Variants in PHACTR3 observed in about 807,000 individuals in gnomAD.
PHACTR3 encodes the protein protein phosphatase 1, regulatory subunit 123.
A neutral mutation model predicts 66.8 loss-of-function variants in PHACTR3; 16 were observed. That is an observed-to-expected ratio of 0.24 (90% confidence interval 0.16 to 0.36). The LOEUF (loss-of-function observed/expected upper bound fraction) is 0.36, where lower values mean the gene tolerates loss of function less well. Among genes scored for constraint, PHACTR3 ranks in the 10% least tolerant of loss-of-function variants. The probability of loss-of-function intolerance (pLI) is 1.00; values close to 1 mark genes in which losing one functional copy is unlikely to be tolerated. For synonymous variants in PHACTR3, 323 were observed against 292.1 expected, an observed-to-expected ratio of 1.11 and a Z score of -1.08; for missense variants, 647 against 719.9, an observed-to-expected ratio of 0.90 and a Z score of 1.16.
chr20:59,779,822 G>A (rs889155701), intron 7 of PHACTR3, among the ~76,000 whole-genome samples: 1 of 152,258 alleles, frequency 6.6e-6, no homozygotes, highest in Admixed American at 6.5e-5. Context: ...TGCACATGGG[G>A]TGCCTTCGTG....
At chr20:59,783,145 A>C (rs907783867) in intron 7 of PHACTR3, among the ~76,000 whole-genome samples, 11 of 152,230 alleles carry the variant, frequency 7.2e-5, no homozygotes, top group African/African-American at 2.7e-4. Context: ...TGGTGACTTC[A>C]CAGAACAGCA....
At chr20:59,664,675 T>G (rs2035925968) in intron 1 of PHACTR3, among the ~76,000 whole-genome samples, 1 of 152,252 alleles carries the variant, frequency 6.6e-6, no homozygotes, top group Non-Finnish European at 1.5e-5. Context: ...TCCACAGCCT[T>G]GGCAAAGGCC....
At chr20:59,661,626 T>C (rs1230804124) in intron 1 of PHACTR3, among the ~76,000 whole-genome samples, 1 of 152,216 alleles carries the variant, frequency 6.6e-6, no homozygotes, top group East Asian at 1.9e-4. Flanking sequence ...CCAGGTCCTC[T>C]TAAACAAGCT....
chr20:59,633,571 A>G (rs990809214), intron 1 of PHACTR3, among the ~76,000 whole-genome samples: 1 of 152,222 alleles, frequency 6.6e-6, no homozygotes, highest in African/African-American at 2.4e-5. Context: ...TGGCACATGT[A>G]TACCTATGTA....
intron 1 of PHACTR3, among the ~76,000 whole-genome samples, chr20:59,614,148 C>A (rs532976321): frequency 3.2e-4 from 48 of 152,318 alleles, no homozygotes; most frequent in African/African-American, 1.2e-3. Context: ...TCTGCACCAC[C>A]CAGCTTCTGC....
chr20:59,702,435 G>A (rs2037539832), intron 1 of PHACTR3, among the ~76,000 whole-genome samples: 1 of 152,168 alleles, frequency 6.6e-6, no homozygotes, highest in African/African-American at 2.4e-5. Flanking sequence ...CCAGATCTCA[G>A]CTGAAATGAC....
rs144923361 is a variant in PHACTR3 at position 59,715,508 on chromosome 20, C to G, written c.119-27599C>G. On this transcript the variant is annotated intron_variant, in intron 1 of 12. Transcript: ENST00000371015. The stretch of plus-strand genomic sequence containing the variant: ...TTCCATGTTTTGTCTTTCTGCATTT[C>G]TCTGCCTCTGGTTTACTAATGTTTT... Among the ~76,000 whole-genome samples the G allele has an allele frequency of 2.5e-3, 379 of 152,282 alleles. 1 individual carries two copies. Among genetic ancestry groups the G allele is most frequent in the African/African-American group, 8.9e-3 (371 of 41,550 alleles).
In PHACTR3 at chr20:59,773,328, C is replaced by G; in HGVS notation, c.801C>G (p.Ser267=). 6.2e-7 allele frequency: 1 copy of G among 1,614,174 alleles called. No individual in the cohort carries two copies. Among genetic ancestry groups the G allele is most frequent in the Non-Finnish European group, 8.5e-7 (1 of 1,180,016 alleles). Residue 267 remains serine, a synonymous_variant, in exon 6 of 13, where the codon TCC becomes TCG. Coordinates refer to ENST00000371015, the MANE Select transcript of PHACTR3 (RefSeq NM_080672.5). ...CCAGCATGAAGAGTGCCGACCCTTC[C>G]CTCCGGGGCCAGCTCTCCACACCCA... ...QASSMKSADP[S]LRGQLSTPTG... is the part of the protein sequence containing the mutation.
chr20:59,675,552 T>A (rs985243370), intron 1 of PHACTR3, among the ~76,000 whole-genome samples: 3 of 152,114 alleles, frequency 2.0e-5, no homozygotes, highest in Non-Finnish European at 4.4e-5. Flanking sequence ...GTTCAGATGG[T>A]TATGGAGTAG....
At chr20:59,578,121 C>T (rs1270004330) in intron 1 of PHACTR3, among the ~76,000 whole-genome samples, 1 of 152,256 alleles carries the variant, frequency 6.6e-6, no homozygotes, top group African/African-American at 2.4e-5. Context: ...CCCTCGCCCC[C>T]TGCTGGGCAG....
At chr20:59,616,195 A>G (rs1217565587) in intron 1 of PHACTR3, among the ~76,000 whole-genome samples, 2 of 152,168 alleles carry the variant, frequency 1.3e-5, no homozygotes, top group African/African-American at 2.4e-5. Context: ...TGATGCTGAG[A>G]TGAGATGAAT....
chr20:59,652,545 G>A (rs1448533290), intron 1 of PHACTR3, among the ~76,000 whole-genome samples: 1 of 152,120 alleles, frequency 6.6e-6, no homozygotes, highest in African/African-American at 2.4e-5. Flanking sequence ...GCAACAGAGT[G>A]AGACCTTATC....
chr20:59,774,516 G>A, intron 7 of PHACTR3, 26 bp downstream of exon 7: 1 of 1,607,308 alleles, frequency 6.2e-7, no homozygotes, highest in Non-Finnish European at 8.5e-7. Flanking sequence ...CCCATTAAGT[G>A]TGGGGATCTC....
chr20:59,811,704 G>A (rs1042928562), intron 8 of PHACTR3, among the ~76,000 whole-genome samples: 2 of 151,668 alleles, frequency 1.3e-5, no homozygotes, highest in African/African-American at 4.9e-5. Flanking sequence ...ATGGAGCAGT[G>A]GGGGGTTGGA....
At position 59,704,741 on chromosome 20, in the gene PHACTR3, C is replaced by T. The variant is rs562506164; in HGVS notation, c.119-38366C>T. Among the ~76,000 whole-genome samples the T allele has an allele frequency of 2.6e-5, 4 of 151,144 alleles. No individual in the cohort carries two copies. The East Asian group carries it at 7.7e-4, about 29-fold the overall frequency. On this transcript the variant is annotated intron_variant, in intron 1 of 12. Transcript: ENST00000371015. ...TTTATTATATATTCTAATATCCAGC[C>T]AAACACCTCCTTTATTATATTTTTT... is the stretch of plus-strand genomic sequence containing the variant.
intron 1 of PHACTR3, among the ~76,000 whole-genome samples, chr20:59,646,072 C>G (rs1256685576): frequency 2.0e-5 from 3 of 152,164 alleles, no homozygotes; most frequent in Non-Finnish European, 2.9e-5. Context: ...ACCCCCAGCC[C>G]CTGCGATTCT....
At chr20:59,821,165 G>A (rs2042020469) in intron 8 of PHACTR3, among the ~76,000 whole-genome samples, 1 of 152,202 alleles carries the variant, frequency 6.6e-6, no homozygotes, top group African/African-American at 2.4e-5. Flanking sequence ...GAGGCCCAGA[G>A]AGATTGGGTA....
At chr20:59,714,630 G>GT (rs923980795) in intron 1 of PHACTR3, among the ~76,000 whole-genome samples, 4 of 151,774 alleles carry the variant, frequency 2.6e-5, no homozygotes, top group East Asian at 1.9e-4. Flanking sequence ...CTACCACTTT[G>GT]TTTTTTTTCT....
intron 8 of PHACTR3, among the ~76,000 whole-genome samples, chr20:59,814,999 T>C (rs902397139): frequency 2.0e-5 from 3 of 152,130 alleles, no homozygotes; most frequent in African/African-American, 7.2e-5. Flanking sequence ...AGTTGGGGGC[T>C]GAGTTCCCCG....
Sources: allele counts gnomAD v4.1 joint callset (sites outside exome capture counted in the v4.1 genomes callset), GRCh38; gene constraint gnomAD v4.1.1; transcripts MANE v1.5; gene names NCBI Gene and HGNC (gene_info 2026-07-23, HGNC 2026-07-21).